Variants in CPNE4 observed in about 807,000 individuals in gnomAD.
The protein encoded by CPNE4 is copine-4.
A neutral mutation model predicts 67.9 loss-of-function variants in CPNE4; 25 were observed. The ratio of observed to expected loss-of-function variants is 0.37; its 90% CI spans 0.27 to 0.51. The LOEUF (loss-of-function observed/expected upper bound fraction) is 0.51. CPNE4 is among the 20% of genes least tolerant of loss of function. The probability of loss-of-function intolerance (pLI) is 0.93; values close to 1 mark genes in which losing one functional copy is unlikely to be tolerated. For synonymous variants in CPNE4, 242 were observed against 244.9 expected (o/e 0.99, Z 0.11); for missense variants, 464 against 690.8 (o/e 0.67, Z 3.68).
At chr3:131,958,465 C>G (rs1054881286) in intron 1 of CPNE4, among the ~76,000 whole-genome samples, 5 of 152,064 alleles carry the variant, frequency 3.3e-5, no homozygotes. Context: ...TCAGCAAGCT[C>G]CCTAGGCGAT....
At chr3:131,941,929 T>C (rs1025874055) in intron 1 of CPNE4, among the ~76,000 whole-genome samples, 1 of 152,116 alleles carries the variant, frequency 6.6e-6, no homozygotes, top group Non-Finnish European at 1.5e-5. Context: ...AGTTCTCTCA[T>C]GTTACTAGAA....
chr3:131,959,627 A>G (rs1247488755), intron 1 of CPNE4, among the ~76,000 whole-genome samples: 6 of 152,194 alleles, frequency 3.9e-5, no homozygotes, highest in African/African-American at 1.2e-4. Context: ...CAATTAAAAA[A>G]TATATATTTA....
intron 14 of CPNE4, among the ~76,000 whole-genome samples, chr3:131,548,057 G>A (rs972078150): frequency 7.9e-5 from 12 of 152,174 alleles, no homozygotes; most frequent in African/African-American, 2.7e-4. Context: ...GGAAGGGCCA[G>A]TGGACTGAAC....
chr3:131,545,023 A>T (rs1935748502), intron 14 of CPNE4, among the ~76,000 whole-genome samples: 1 of 152,182 alleles, frequency 6.6e-6, no homozygotes, highest in African/African-American at 2.4e-5. Context: ...TCAGGAAACT[A>T]TTTTTTGTCA....
chr3:131,684,408 A>C (rs967234225), intron 6 of CPNE4, among the ~76,000 whole-genome samples: 1 of 152,240 alleles, frequency 6.6e-6, no homozygotes, highest in African/African-American at 2.4e-5. Flanking sequence ...ACATTGTTCT[A>C]TAGCATGCAA....
chr3:131,995,213 C>T (rs77917893), intron 1 of CPNE4, among the ~76,000 whole-genome samples: 3 of 152,104 alleles, frequency 2.0e-5, no homozygotes, highest in African/African-American at 7.2e-5. Flanking sequence ...CTCTCACACA[C>T]TCACACACCT....
intron 6 of CPNE4, among the ~76,000 whole-genome samples, chr3:131,684,892 T>C (rs1311600115): frequency 6.6e-6 from 1 of 152,050 alleles, no homozygotes; most frequent in Non-Finnish European, 1.5e-5. Flanking sequence ...GGGGGTAAGG[T>C]AATAAGAGAT....
chr3:131,952,212 G>A (rs373632938), intron 1 of CPNE4, among the ~76,000 whole-genome samples: 22,499 of 149,684 alleles, frequency 0.15, 1,731 homozygotes, highest in African/African-American at 0.23. Flanking sequence ...CCTCTGCCCC[G>A]CCGCCCCGTC....
intron 2 of CPNE4, among the ~76,000 whole-genome samples, chr3:131,837,728 A>T (rs1220421721): frequency 6.6e-6 from 1 of 152,014 alleles, no homozygotes; most frequent in Non-Finnish European, 1.5e-5. Flanking sequence ...ACATGGAAAA[A>T]CTGGTGAAAT....
intron 1 of CPNE4, among the ~76,000 whole-genome samples, chr3:131,941,808 T>A (rs757911048): frequency 6.6e-6 from 1 of 152,104 alleles, no homozygotes; most frequent in Non-Finnish European, 1.5e-5. Context: ...TATTGTTTAA[T>A]CTTAATGAGT....
At chr3:131,923,694 G>C (rs2070805501) in intron 1 of CPNE4, among the ~76,000 whole-genome samples, 1 of 91,946 alleles carries the variant, frequency 1.1e-5, no homozygotes, top group Admixed American at 1.9e-4. Context: ...GACAGAGCTA[G>C]ACTCCGTCTC....
intron 2 of CPNE4, among the ~76,000 whole-genome samples, chr3:131,904,454 C>T (rs1354599316): frequency 1.3e-5 from 2 of 152,056 alleles, no homozygotes; most frequent in African/African-American, 4.8e-5. Context: ...GTTTAATTAT[C>T]GTTGTTGGGT....
intron 10 of CPNE4, among the ~76,000 whole-genome samples, chr3:131,571,263 C>T (rs1937322753): frequency 6.6e-6 from 1 of 151,930 alleles, no homozygotes; most frequent in South Asian, 2.1e-4. Flanking sequence ...ACTCTTTGCC[C>T]CTCTTTCCTC....
At chr3:131,677,959 T>G (rs1353430392) in intron 6 of CPNE4, among the ~76,000 whole-genome samples, 1 of 152,222 alleles carries the variant, frequency 6.6e-6, no homozygotes, top group African/African-American at 2.4e-5. Context: ...ATTTTTCTAG[T>G]TCTGTGAAGA....
chr3:131,727,245 G>A (rs989990693), intron 2 of CPNE4, among the ~76,000 whole-genome samples: 5 of 152,192 alleles, frequency 3.3e-5, no homozygotes, highest in African/African-American at 1.2e-4. Context: ...AGATTATGGT[G>A]TGATGGTGAG....
intron 10 of CPNE4, among the ~76,000 whole-genome samples, chr3:131,572,007 A>G (rs1240355509): frequency 6.6e-6 from 1 of 151,988 alleles, no homozygotes; most frequent in Non-Finnish European, 1.5e-5. Context: ...TATTTATCCA[A>G]TTTGTTCTTT....
At chr3:132,020,773 C>G (rs2107688841) in intron 1 of CPNE4, among the ~76,000 whole-genome samples, 1 of 152,300 alleles carries the variant, frequency 6.6e-6, no homozygotes, top group South Asian at 2.1e-4. Context: ...AAGGCACTCA[C>G]AGCAGGTCAT....
intron 2 of CPNE4, among the ~76,000 whole-genome samples, chr3:131,872,162 G>A (rs528712772): frequency 3.3e-5 from 5 of 151,986 alleles, no homozygotes; most frequent in South Asian, 2.1e-4. Context: ...GGATGTATGC[G>A]TGTGTATGCA....
intron 11 of CPNE4, among the ~76,000 whole-genome samples, chr3:131,562,777 G>A (rs551132818): frequency 6.6e-6 from 1 of 152,116 alleles, no homozygotes; most frequent in South Asian, 2.1e-4. Context: ...CCCACTGCCT[G>A]CATTGGGGCT....
Sources: gnomAD v4.1 joint callset for allele counts (sites outside exome capture counted in the v4.1 genomes callset) on GRCh38, gnomAD v4.1.1 for gene constraint, MANE v1.5 for transcripts, NCBI Gene and HGNC (gene_info 2026-07-23, HGNC 2026-07-21) for gene names.